Variants in NCKAP5 observed in about 807,000 individuals in gnomAD.
The protein encoded by NCKAP5 is nck-associated protein 5.
Under a neutral mutation model 167.0 loss-of-function variants are expected in NCKAP5, and 92 were observed. The ratio of observed to expected loss-of-function variants is 0.55; its 90% CI spans 0.47 to 0.66. NCKAP5 has a LOEUF of 0.66. NCKAP5 is among the 30% of genes least tolerant of loss of function. The probability of loss-of-function intolerance (pLI) is 0.00; values close to 1 mark genes in which losing one functional copy is unlikely to be tolerated. For synonymous variants in NCKAP5, 891 were observed against 877.4 expected (o/e 1.02, Z -0.27); for missense variants, 2,378 against 2,315.0 (o/e 1.03, Z -0.56).
chr2:133,575,254 C>T, the NCKAP5 span, among the ~76,000 whole-genome samples: 1 of 152,200 alleles, frequency 6.6e-6, no homozygotes, highest in East Asian at 1.9e-4. Flanking sequence ...AAACTTTACA[C>T]CTTAAAGAAA....
intron 4 of NCKAP5, among the ~76,000 whole-genome samples, chr2:133,266,728 C>T (rs572427252): frequency 1.3e-5 from 2 of 152,302 alleles, no homozygotes; most frequent in African/African-American, 2.4e-5. Flanking sequence ...TGTTGTGTTC[C>T]GCCGCCAGTC....
chr2:133,208,040 T>C lies in NCKAP5; in HGVS notation c.207+5676A>G, dbSNP rs190708894. 2.6e-5 allele frequency among the ~76,000 whole-genome samples: 4 copies of C among 152,198 alleles called. No individual in the cohort carries two copies. The East Asian group carries it at 7.8e-4, about 30-fold the overall frequency. ...TTCCGCCAAATGACCAAGATTCATCTCAACAGTGACAAGCTGGGCCAGGTG... is the reference window on the plus strand; with the variant it reads ...TTCCGCCAAATGACCAAGATTCATCCCAACAGTGACAAGCTGGGCCAGGTG... On this transcript the variant is annotated intron_variant, in intron 5 of 19. Transcript: ENST00000409261.
chr2:133,563,564 T>TAAAAA (rs57901498), intron 1 of NCKAP5, among the ~76,000 whole-genome samples: 49 of 53,014 alleles, frequency 9.2e-4, no homozygotes, highest in Non-Finnish European at 1.0e-3. Flanking sequence ...AAAGACTCCA[T>TAAAAA]AAAAAAAAAA....
chr2:133,506,739 TCCTGCCA>T (rs1343544178), intron 3 of NCKAP5, among the ~76,000 whole-genome samples: 2 of 152,212 alleles, frequency 1.3e-5, no homozygotes, highest in East Asian at 3.8e-4. Flanking sequence ...ACTTTCTATA[TCCTGCCA>T]CCCCTTTTAA....
At chr2:133,565,746 C>A (rs1688501362) in intron 1 of NCKAP5, among the ~76,000 whole-genome samples, 1 of 152,184 alleles carries the variant, frequency 6.6e-6, no homozygotes, top group South Asian at 2.1e-4. Context: ...GGGCCTTCAA[C>A]CACAGTGAAG....
the NCKAP5 span, among the ~76,000 whole-genome samples, chr2:133,611,936 G>A: frequency 6.6e-6 from 1 of 152,164 alleles, no homozygotes; most frequent in Admixed American, 6.5e-5. Flanking sequence ...TGGACCCATA[G>A]ATTTCAGCTT....
chr2:133,333,948 C>T (rs1002340781), intron 3 of NCKAP5: 1 of 152,188 alleles, frequency 6.6e-6, no homozygotes, highest in Non-Finnish European at 1.5e-5. Context: ...AAATTAAAGA[C>T]ACAAGGGAGG....
At chr2:133,332,431 CA>C (rs1010622386) in intron 3 of NCKAP5, among the ~76,000 whole-genome samples, 1 of 151,864 alleles carries the variant, frequency 6.6e-6, no homozygotes, top group Admixed American at 6.6e-5. Flanking sequence ...TAATTTCAGC[CA>C]AAAAAACCCC....
chr2:133,417,608 G>A (rs1299768787), intron 3 of NCKAP5, among the ~76,000 whole-genome samples: 6 of 152,208 alleles, frequency 3.9e-5, no homozygotes, highest in Non-Finnish European at 7.3e-5. Context: ...TCAGTTGAGA[G>A]GCCTCAGTGA....
At chr2:133,625,500 A>T in the NCKAP5 span, among the ~76,000 whole-genome samples, 2 of 152,198 alleles carry the variant, frequency 1.3e-5, no homozygotes, top group Non-Finnish European at 2.9e-5. Flanking sequence ...ATCTTGTCAT[A>T]CAGAAAGCAA....
chr2:133,483,102 C>T (rs1177824247), intron 3 of NCKAP5, among the ~76,000 whole-genome samples: 1 of 151,940 alleles, frequency 6.6e-6, no homozygotes, highest in Non-Finnish European at 1.5e-5. Flanking sequence ...AGCTATTGTC[C>T]TTCTTCTTAT....
At chr2:133,441,467 G>A (rs181754141) in intron 3 of NCKAP5, among the ~76,000 whole-genome samples, 69 of 152,282 alleles carry the variant, frequency 4.5e-4, no homozygotes, top group Admixed American at 4.4e-3. Flanking sequence ...GTCAGCAAAA[G>A]GTGCTCTATT....
chr2:132,707,466 A>T (rs1284746880), intron 19 of NCKAP5, among the ~76,000 whole-genome samples: 1 of 152,206 alleles, frequency 6.6e-6, no homozygotes, highest in Non-Finnish European at 1.5e-5. Flanking sequence ...AAGTCCTGGG[A>T]CTGTGCTAGG....
the NCKAP5 span, among the ~76,000 whole-genome samples, chr2:133,612,479 T>C: frequency 6.6e-6 from 1 of 152,236 alleles, no homozygotes; most frequent in Non-Finnish European, 1.5e-5. Context: ...TACTTCAATA[T>C]ATAATCAATC....
chr2:133,445,664 A>T (rs527303702), intron 3 of NCKAP5, among the ~76,000 whole-genome samples: 18 of 152,278 alleles, frequency 1.2e-4, no homozygotes, highest in African/African-American at 3.9e-4. Context: ...GTATAATTAA[A>T]TTGCGATTCC....
chr2:133,175,260 C>T (rs1179353058), intron 5 of NCKAP5, among the ~76,000 whole-genome samples: 1 of 151,970 alleles, frequency 6.6e-6, no homozygotes. Flanking sequence ...ACATGTTAAC[C>T]CTTTCTTGTG....
At chr2:133,236,142 C>G (rs2087409442) in intron 4 of NCKAP5, among the ~76,000 whole-genome samples, 1 of 142,454 alleles carries the variant, frequency 7.0e-6, no homozygotes, top group Admixed American at 7.1e-5. Context: ...GTTAGACAAG[C>G]TTCAGGTATG....
At chr2:133,349,921 A>G (rs1413684061) in intron 3 of NCKAP5, among the ~76,000 whole-genome samples, 1 of 152,150 alleles carries the variant, frequency 6.6e-6, no homozygotes, top group African/African-American at 2.4e-5. Context: ...ATTTTTTTAA[A>G]TTTTAAAATA....
intron 3 of NCKAP5, among the ~76,000 whole-genome samples, chr2:133,444,355 G>GATAGATAT (rs1190850241): frequency 2.4e-4 from 5 of 21,182 alleles, no homozygotes; most frequent in African/African-American, 5.5e-4. Context: ...CAAAAACAAA[G>GATAGATAT]ATAGATAGAT....
Sources: gnomAD v4.1 joint callset for allele counts (sites outside exome capture counted in the v4.1 genomes callset) on GRCh38, gnomAD v4.1.1 for gene constraint, MANE v1.5 for transcripts, NCBI Gene and HGNC (gene_info 2026-07-23, HGNC 2026-07-21) for gene names.